The following EPHB1 variants were observed in gnomAD, a reference collection of about 807,000 sequenced individuals.
EPHB1 encodes EPH receptor B1.
EPHB1 carries 30 observed loss-of-function variants against 94.4 expected under a neutral mutation model. That is an observed-to-expected ratio of 0.32 (90% CI 0.24 to 0.43). EPHB1 has a LOEUF of 0.43. Ranked by LOEUF, EPHB1 falls within the 20% of genes least tolerant of loss-of-function variation. The pLI is 1.00. For missense variants in EPHB1, 1,055 were observed against 1,308.3 expected (o/e 0.81, Z 2.99); for synonymous variants, 522 against 489.1 (o/e 1.07, Z -0.89).
chr3:134,993,545 G>T (rs917382060), intron 3 of EPHB1, among the ~76,000 whole-genome samples: 1 of 152,166 alleles, frequency 6.6e-6, no homozygotes, highest in Non-Finnish European at 1.5e-5. Context: ...TTTCTTGGGG[G>T]ACCTGCACTG....
At chr3:135,169,274 T>TAGGACAGC (rs1941739574) in intron 9 of EPHB1, among the ~76,000 whole-genome samples, 1 of 152,200 alleles carries the variant, frequency 6.6e-6, no homozygotes, top group African/African-American at 2.4e-5. Flanking sequence ...AAGAACATTG[T>TAGGACAGC]TGGCCAGCTA....
chr3:135,188,131 G>A (rs1237043598), intron 10 of EPHB1, among the ~76,000 whole-genome samples: 1 of 146,836 alleles, frequency 6.8e-6, no homozygotes, highest in African/African-American at 2.5e-5. Flanking sequence ...CGTGGGAAGT[G>A]GAGGTAGCAG....
intron 3 of EPHB1, among the ~76,000 whole-genome samples, chr3:135,038,256 C>T (rs1347188996): frequency 6.6e-6 from 1 of 152,156 alleles, no homozygotes; most frequent in African/African-American, 2.4e-5. Context: ...GAGATGGTGC[C>T]CATTTCTCCT....
intron 3 of EPHB1, among the ~76,000 whole-genome samples, chr3:134,985,569 G>A (rs1392361680): frequency 6.6e-6 from 1 of 152,138 alleles, no homozygotes; most frequent in Admixed American, 6.5e-5. Context: ...CAAGAAGGAC[G>A]TTTCTGTATC....
chr3:135,122,801 G>C (rs1050263325), intron 4 of EPHB1, among the ~76,000 whole-genome samples: 2 of 152,142 alleles, frequency 1.3e-5, no homozygotes, highest in Non-Finnish European at 2.9e-5. Context: ...GTAGCACTAG[G>C]CTCTTTGATG....
intron 3 of EPHB1, among the ~76,000 whole-genome samples, chr3:135,030,658 A>T (rs575171813): frequency 8.9e-4 from 136 of 152,320 alleles, no homozygotes; most frequent in African/African-American, 3.1e-3. Flanking sequence ...AAGTCCGCAG[A>T]GGTTACTGCT....
chr3:134,799,767 C>T (rs944608939), intron 1 of EPHB1, among the ~76,000 whole-genome samples: 1 of 152,156 alleles, frequency 6.6e-6, no homozygotes, highest in Admixed American at 6.5e-5. Context: ...TGTTTTTTCA[C>T]AAGAATGGGT....
At chr3:135,186,641 G>A (rs1476399677) in intron 10 of EPHB1, among the ~76,000 whole-genome samples, 1 of 150,802 alleles carries the variant, frequency 6.6e-6, no homozygotes, top group Admixed American at 6.6e-5. Flanking sequence ...ATAACCAGAA[G>A]CTACTGCTTG....
At chr3:135,107,230 T>A (rs1417415292) in intron 4 of EPHB1, among the ~76,000 whole-genome samples, 1 of 152,214 alleles carries the variant, frequency 6.6e-6, no homozygotes, top group Non-Finnish European at 1.5e-5. Context: ...CCGGAGCTAA[T>A]GCATTGGCTA....
In EPHB1 at chr3:134,989,497, GCA is replaced by G. The variant is rs61202894; in HGVS notation, c.805+37468_805+37469del. Among the ~76,000 whole-genome samples the G allele has an allele frequency of 5.7e-3, 860 of 149,878 alleles. 9 individuals are homozygous for G. Among genetic ancestry groups the G allele is most frequent in the African/African-American group, 0.016 (671 of 40,992 alleles). ...CACGCCTGCACACGCACGCGCGCGT[GCA>G]CACACACACACACACACACACATAT... On this transcript the variant is annotated intron_variant, in intron 3 of 15. Coordinates refer to ENST00000398015, the MANE Select transcript of EPHB1 (RefSeq NM_004441.5).
At chr3:135,247,800 G>C (rs371822376) in intron 13 of EPHB1, among the ~76,000 whole-genome samples, 14 of 152,182 alleles carry the variant, frequency 9.2e-5, no homozygotes, top group Non-Finnish European at 5.9e-5. Context: ...AGGGTCTCTA[G>C]CATGGAGTAA....
At chr3:134,840,810 T>C (rs1417586373) in intron 1 of EPHB1, among the ~76,000 whole-genome samples, 1 of 152,214 alleles carries the variant, frequency 6.6e-6, no homozygotes, top group Non-Finnish European at 1.5e-5. Flanking sequence ...GCCTCTCTTT[T>C]GGTGACAGGT....
chr3:135,221,721 G>A (rs1943282717), intron 12 of EPHB1, among the ~76,000 whole-genome samples: 1 of 152,136 alleles, frequency 6.6e-6, no homozygotes, highest in Non-Finnish European at 1.5e-5. Flanking sequence ...ATCTGTCAAA[G>A]GGGATACTAT....
chr3:134,837,318 C>CA (rs2036690318), intron 1 of EPHB1, among the ~76,000 whole-genome samples: 2 of 152,060 alleles, frequency 1.3e-5, no homozygotes, highest in Non-Finnish European at 1.5e-5. Context: ...TATTTGGTTA[C>CA]AAAAAAACAA....
intron 3 of EPHB1, among the ~76,000 whole-genome samples, chr3:135,101,047 C>T (rs1165851652): frequency 1.3e-5 from 2 of 152,114 alleles, no homozygotes; most frequent in Non-Finnish European, 2.9e-5. Context: ...GGAAAGGGAA[C>T]CCCTTTCTCT....
At chr3:134,932,986 A>G (rs1578208165) in intron 2 of EPHB1, among the ~76,000 whole-genome samples, 1 of 152,310 alleles carries the variant, frequency 6.6e-6, no homozygotes, top group Non-Finnish European at 1.5e-5. Context: ...AGCTATTCTC[A>G]TTCTATGCTT....
intron 9 of EPHB1, among the ~76,000 whole-genome samples, chr3:135,167,216 A>C (rs1941677159): frequency 6.6e-6 from 1 of 152,184 alleles, no homozygotes; most frequent in Non-Finnish European, 1.5e-5. Flanking sequence ...TACTCATTGG[A>C]TGCCTGGTGG....
intron 1 of EPHB1, among the ~76,000 whole-genome samples, chr3:134,919,310 A>G (rs1382015007): frequency 5.9e-5 from 9 of 152,098 alleles, no homozygotes; most frequent in Admixed American, 5.9e-4. Context: ...CACATGGGAG[A>G]TGGGTTGTGG....
At chr3:135,011,822 C>A (rs2107749188) in intron 3 of EPHB1, among the ~76,000 whole-genome samples, 1 of 152,282 alleles carries the variant, frequency 6.6e-6, no homozygotes, top group African/African-American at 2.4e-5. Flanking sequence ...AATTCCAGTG[C>A]ATTTTCTACT....
Sources: allele counts gnomAD v4.1 joint callset (sites outside exome capture counted in the v4.1 genomes callset), GRCh38; gene constraint gnomAD v4.1.1; transcripts MANE v1.5; gene names NCBI Gene and HGNC (gene_info 2026-07-23, HGNC 2026-07-21).